Variants in MBNL1 observed in about 807,000 individuals in gnomAD.
MBNL1 encodes the protein muscleblind-like protein 1.
Under a neutral mutation model 42.2 loss-of-function variants are expected in MBNL1, and 8 were observed. That is an observed-to-expected ratio of 0.19 (90% confidence interval 0.11 to 0.34). MBNL1 has a LOEUF of 0.34. Ranked by LOEUF, MBNL1 falls within the 10% of genes least tolerant of loss-of-function variation. MBNL1 has a pLI of 1.00. For synonymous variants in MBNL1, 169 were observed against 173.9 expected, an observed-to-expected ratio of 0.97 and a Z score of 0.22; for missense variants, 309 against 495.3, an observed-to-expected ratio of 0.62 and a Z score of 3.57.
intron 1 of MBNL1, among the ~76,000 whole-genome samples, chr3:152,291,677 A>G (rs890030527): frequency 6.6e-6 from 1 of 152,220 alleles, no homozygotes; most frequent in Non-Finnish European, 1.5e-5. Flanking sequence ...CATGGAGCTT[A>G]CATTTTTGTG....
chr3:152,462,085 A>C (rs958212267), intron 9 of MBNL1, among the ~76,000 whole-genome samples: 1 of 152,190 alleles, frequency 6.6e-6, no homozygotes, highest in African/African-American at 2.4e-5. Flanking sequence ...GTGCTAAAAA[A>C]GAGCTCTGTA....
At chr3:152,425,501 A>C (rs2098913503) in intron 3 of MBNL1, among the ~76,000 whole-genome samples, 1 of 152,044 alleles carries the variant, frequency 6.6e-6, no homozygotes, top group African/African-American at 2.4e-5. Context: ...CCAGCTATTC[A>C]GGAGGCTGAG....
chr3:152,329,885 G>C (rs901475174), intron 2 of MBNL1, among the ~76,000 whole-genome samples: 2 of 151,232 alleles, frequency 1.3e-5, no homozygotes, highest in African/African-American at 4.9e-5. Flanking sequence ...TTATTTATCT[G>C]TCAAAGGAGT....
chr3:152,317,148 C>T (rs1344440532), intron 2 of MBNL1, among the ~76,000 whole-genome samples: 3 of 152,110 alleles, frequency 2.0e-5, no homozygotes, highest in Non-Finnish European at 4.4e-5. Flanking sequence ...CCATTTTCTA[C>T]AGATCTTCCA....
At chr3:152,269,497 G>A (rs1462856763) in intron 1 of MBNL1, 2 of 454,962 alleles carry the variant, frequency 4.4e-6, no homozygotes, top group Non-Finnish European at 8.8e-6. Flanking sequence ...TCTTCCCGGC[G>A]GCTCCCGCAT....
intron 3 of MBNL1, among the ~76,000 whole-genome samples, chr3:152,415,778 G>A (rs1005981391): frequency 2.0e-5 from 3 of 152,152 alleles, no homozygotes; most frequent in African/African-American, 7.2e-5. Flanking sequence ...GTATATGTGG[G>A]TGACTCTTGC....
intron 2 of MBNL1, among the ~76,000 whole-genome samples, chr3:152,306,546 T>G (rs1186725352): frequency 6.6e-6 from 1 of 152,236 alleles, no homozygotes; most frequent in Non-Finnish European, 1.5e-5. Flanking sequence ...CCAGTAATTT[T>G]TCAGTCTCTT....
intron 2 of MBNL1, among the ~76,000 whole-genome samples, chr3:152,262,162 T>C (rs1475564199): frequency 6.6e-6 from 1 of 152,190 alleles, no homozygotes; most frequent in Non-Finnish European, 1.5e-5. Context: ...GTTAAATGTA[T>C]TAAGGAACAA....
intron 1 of MBNL1, among the ~76,000 whole-genome samples, chr3:152,286,369 A>G (rs976717966): frequency 1.4e-5 from 2 of 141,114 alleles, no homozygotes; most frequent in Admixed American, 7.3e-5. Context: ...TATTTTATTT[A>G]TAATATAAAT....
intron 2 of MBNL1, among the ~76,000 whole-genome samples, chr3:152,385,373 T>C (rs1229890343): frequency 3.9e-5 from 6 of 152,052 alleles, no homozygotes; most frequent in Non-Finnish European, 8.8e-5. Flanking sequence ...TGTAATATTT[T>C]AGTTCTTTGA....
At chr3:152,332,824 A>G (rs2086214253) in intron 2 of MBNL1, among the ~76,000 whole-genome samples, 2 of 152,156 alleles carry the variant, frequency 1.3e-5, no homozygotes, top group South Asian at 4.1e-4. Flanking sequence ...CCAGAGAGTT[A>G]GACTTGCTGC....
At chr3:152,327,101 G>A (rs768506440) in intron 2 of MBNL1, among the ~76,000 whole-genome samples, 23 of 151,836 alleles carry the variant, frequency 1.5e-4, no homozygotes, top group Non-Finnish European at 2.4e-4. Flanking sequence ...GAGCCACTGC[G>A]CTCGGCTGAT....
intron 2 of MBNL1, among the ~76,000 whole-genome samples, chr3:152,306,575 C>A (rs1309017018): frequency 6.6e-6 from 1 of 152,088 alleles, no homozygotes; most frequent in Non-Finnish European, 1.5e-5. Flanking sequence ...ATTTTGGTAG[C>A]AGGGATTGCT....
chr3:152,286,899 C>T (rs1295229748), intron 1 of MBNL1, among the ~76,000 whole-genome samples: 1 of 152,092 alleles, frequency 6.6e-6, no homozygotes, highest in Non-Finnish European at 1.5e-5. Context: ...AGAACTAAAA[C>T]ATAAATGGTT....
chr3:152,323,318 T>C (rs2077473912), intron 2 of MBNL1, among the ~76,000 whole-genome samples: 1 of 152,094 alleles, frequency 6.6e-6, no homozygotes, highest in Non-Finnish European at 1.5e-5. Flanking sequence ...CATTCAACAA[T>C]ATTGTTAAAT....
chr3:152,261,309 CTT>C (rs1018978218), intron 2 of MBNL1, among the ~76,000 whole-genome samples: 1 of 152,128 alleles, frequency 6.6e-6, no homozygotes, highest in African/African-American at 2.4e-5. Context: ...TCACATACCT[CTT>C]GTTTTAAGTT....
intron 2 of MBNL1, among the ~76,000 whole-genome samples, chr3:152,408,704 T>C (rs2098495465): frequency 6.6e-6 from 1 of 151,740 alleles, no homozygotes; most frequent in Non-Finnish European, 1.5e-5. Flanking sequence ...AGCCCCCCAC[T>C]AAATTCCATG....
At chr3:152,446,286 T>G (rs992911921) in intron 5 of MBNL1, among the ~76,000 whole-genome samples, 1 of 152,156 alleles carries the variant, frequency 6.6e-6, no homozygotes, top group Non-Finnish European at 1.5e-5. Flanking sequence ...ATATATGACT[T>G]AAATCAATGA....
At chr3:152,403,916 G>A (rs1284090772) in intron 2 of MBNL1, among the ~76,000 whole-genome samples, 1 of 152,046 alleles carries the variant, frequency 6.6e-6, no homozygotes, top group Admixed American at 6.6e-5. Context: ...TTCTCCATGG[G>A]GACAGAGCCA....
Sources: allele counts gnomAD v4.1 joint callset (sites outside exome capture counted in the v4.1 genomes callset), GRCh38; gene constraint gnomAD v4.1.1; transcripts MANE v1.5; gene names NCBI Gene and HGNC (gene_info 2026-07-23, HGNC 2026-07-21).